PTCH1: variants seen among roughly 807,000 people sequenced by gnomAD.
PTCH1 encodes protein patched homolog 1.
A neutral mutation model predicts 144.6 loss-of-function variants in PTCH1; 14 were observed. The ratio of observed to expected loss-of-function variants is 0.10; its 90% CI spans 0.06 to 0.15. The LOEUF (loss-of-function observed/expected upper bound fraction) is 0.15. PTCH1 is among the 10% of genes least tolerant of loss of function. PTCH1 has a pLI of 1.00. For synonymous variants in PTCH1, 833 were observed against 793.6 expected, an observed-to-expected ratio of 1.05 and a Z score of -0.83; for missense variants, 1,623 against 1,948.3, an observed-to-expected ratio of 0.83 and a Z score of 3.14.
rs1837748684 is a variant in PTCH1, at chr9:95,444,794, C to T, written c.*1599G>A. 6.6e-6 allele frequency: 1 copy of T among 152,150 alleles called. No individual in the cohort carries two copies. The highest frequency in any genetic ancestry group is 6.6e-5 in the Admixed American group (1 of 15,256). The allele number at this position is 152,150 out of a possible 1,614,324, so 9.4% of individuals were successfully genotyped here. On this transcript the variant is annotated 3_prime_UTR_variant, in exon 24 of 24. Transcript: ENST00000331920. Reference sequence around the variant, plus strand: ...TGTGGATTTGGATGGGGAGCCGACACTGGGTGCTTCCCTGACATGTGCTGG... The same window carrying T: ...TGTGGATTTGGATGGGGAGCCGACATTGGGTGCTTCCCTGACATGTGCTGG...
At chr9:95,460,564 G>A (rs1376684968) in intron 16 of PTCH1, among the ~76,000 whole-genome samples, 2 of 152,178 alleles carry the variant, frequency 1.3e-5, no homozygotes, top group African/African-American at 2.4e-5. Flanking sequence ...AAAAACACCA[G>A]TGACAGCGGC....
chr9:95,459,834 C>T (rs980282638), intron 16 of PTCH1, 51 bp from the exon 17 acceptor site: 3 of 1,587,724 alleles, frequency 1.9e-6, no homozygotes, highest in African/African-American at 1.3e-5. Flanking sequence ...TGGGGGTAAA[C>T]ACACTTCTGC....
chr9:95,480,413 C>T lies in PTCH1; in HGVS notation c.922G>A (p.Ala308Thr), dbSNP rs773704443. Residue 308 changes from alanine (A) to threonine (T), a missense_variant, in exon 6 of 24, where the codon GCC becomes ACC. Physicochemically the swap from Ala to Thr is moderately conservative, Grantham distance 58. Around this residue, in one of 7 missense-constraint regions of PTCH1, gnomAD observed 230 missense variants for 271.0 expected, o/e 0.85. Transcript: ENST00000331920. ...ACTTTGGTTGAATTTTTGTTGGGGG[C>T]TGTGGCGGGGCAGTCTGGATCGGCC... ...NPADPDCPATAPNKNSTKPLD... is the reference protein window; with the variant it reads ...NPADPDCPATTPNKNSTKPLD... 1.2e-6 allele frequency: 2 copies of T among 1,610,942 alleles called. No homozygotes were observed. Among genetic ancestry groups the T allele is most frequent in the African/African-American group, 1.4e-5 (1 of 74,026 alleles).
At chr9:95,516,448 C>T (rs2118956092) in intron 1 of PTCH1, 13 of 1,403,596 alleles carry the variant, frequency 9.3e-6, no homozygotes, top group Admixed American at 6.8e-5. Flanking sequence ...CGTCGGCGGC[C>T]GCCGCGCTGG....
intron 2 of PTCH1, among the ~76,000 whole-genome samples, chr9:95,505,102 A>T (rs1843461368): frequency 6.6e-6 from 1 of 152,204 alleles, no homozygotes; most frequent in South Asian, 2.1e-4. Flanking sequence ...TATTATTTTA[A>T]TTGTCACTTC....
rs1015767985 is a variant in PTCH1, at chr9:95,504,097, C to CATGCGATAATA, written c.394+2299_394+2309dup. ...ATAGCTATTTTATTGAATCGTAAGG[C>CATGCGATAATA]ATGCGATAATATATAACAAATGCCT... On this transcript the variant is annotated intron_variant, in intron 2 of 23. Transcript: ENST00000331920. Among the ~76,000 whole-genome samples the CATGCGATAATA allele has an allele frequency of 3.0e-5, 4 of 133,916 alleles. No individual in the cohort carries two copies. The Admixed American group carries it at 3.4e-4, about 11-fold the overall frequency. 87.9% of individuals were successfully genotyped at this position (133,916 alleles called of 152,430 possible).
rs551080129 is a variant in PTCH1 at position 95,448,496 on chromosome 9, A to C, written c.3804+573T>G. On this transcript the variant is annotated intron_variant, in intron 22 of 23. Transcript: ENST00000331920. ...CTCCTGGTGACCTCCTGAATCACTGAAGGCTAAGAACTCAGGGGTGGTTCT... is the reference window on the plus strand; with the variant it reads ...CTCCTGGTGACCTCCTGAATCACTGCAGGCTAAGAACTCAGGGGTGGTTCT... 2.6e-5 allele frequency among the ~76,000 whole-genome samples: 4 copies of C among 152,246 alleles called. No homozygotes were observed. In the East Asian group the frequency reaches 5.8e-4, roughly 22 times the overall value.
chr9:95,514,678 G>A (rs1433656020), intron 1 of PTCH1, among the ~76,000 whole-genome samples: 2 of 151,346 alleles, frequency 1.3e-5, no homozygotes, highest in Non-Finnish European at 2.9e-5. Flanking sequence ...GATAAAAACG[G>A]GAGACATATT....
intron 2 of PTCH1, among the ~76,000 whole-genome samples, chr9:95,495,597 A>G (rs146647620): frequency 6.6e-6 from 1 of 152,100 alleles, no homozygotes; most frequent in Non-Finnish European, 1.5e-5. Flanking sequence ...GAAGAGTTGC[A>G]CTGCTGAAAC....
rs1051496812 is a variant in PTCH1 at position 95,468,860 on chromosome 9, T to C, written c.2141A>G (p.Gln714Arg). 6.2e-7 allele frequency: 1 copy of C among 1,614,042 alleles called. No homozygotes were observed. Among genetic ancestry groups the C allele is most frequent in the African/African-American group, 1.3e-5 (1 of 74,918 alleles). The change falls in exon 14 of 24, where the codon CAG (glutamine) becomes CGG (arginine). Residue 714 changes from glutamine (Q) to arginine (R), a missense_variant. By Grantham distance (43) the Gln-to-Arg change is conservative (BLOSUM62 1). Coordinates refer to ENST00000331920, the MANE Select transcript of PTCH1 (RefSeq NM_000264.5). ...GCAGTGGAGGCTGGAGTCGGAGAACTGGGAGAGCAGGTCCCTTGTGGAGCT... is the reference window on the plus strand; with the variant it reads ...GCAGTGGAGGCTGGAGTCGGAGAACCGGGAGAGCAGGTCCCTTGTGGAGCT... The part of the protein sequence containing the change: ...STSSTRDLLS[Q>R]FSDSSLHCLE...
chr9:95,493,657 C>T (rs1392815056), intron 2 of PTCH1, among the ~76,000 whole-genome samples: 5 of 152,188 alleles, frequency 3.3e-5, no homozygotes, highest in African/African-American at 4.8e-5. Context: ...CTAACAGCCT[C>T]TAGAGAGATT....
intron 2 of PTCH1, among the ~76,000 whole-genome samples, chr9:95,504,248 C>G (rs2118842921): frequency 6.6e-6 from 1 of 152,138 alleles, no homozygotes; most frequent in South Asian, 2.1e-4. Context: ...CAGAAGTGTC[C>G]TCATCCAGTC....
chr9:95,446,467 G>A, intron 23 of PTCH1, 76 bp from the exon 24 acceptor site: 1 of 507,326 alleles, frequency 2.0e-6, no homozygotes, highest in Non-Finnish European at 3.9e-6. Context: ...TACAAAAGCA[G>A]GCAGCAGTAA....
intron 12 of PTCH1, chr9:95,474,053 C>A: frequency 2.0e-6 from 1 of 495,732 alleles, no homozygotes; most frequent in East Asian, 5.8e-5. Flanking sequence ...CAAGGCTACT[C>A]CTCGTAAGGA....
At chr9:95,454,824 C>A (rs566880259) in intron 19 of PTCH1, among the ~76,000 whole-genome samples, 3 of 152,320 alleles carry the variant, frequency 2.0e-5, no homozygotes, top group African/African-American at 7.2e-5. Context: ...TGCAATTTCA[C>A]ATAGAGGATC....
At position 95,446,988 on chromosome 9, in the gene PTCH1, C is replaced by T. The variant is rs1213795569; in HGVS notation, c.4268G>A (p.Arg1423Lys). Residue 1423 changes from arginine to lysine, a missense_variant, in exon 23 of 24, where the codon AGG (arginine) becomes AAG (lysine). By Grantham distance (26) the Arg-to-Lys change is conservative. Transcript: ENST00000331920. ...HVPFHVRCER[R>K]DSKVEVIELQ... ...CTCAATGACTTCCACCTTCGAATCC[C>T]TCCTCTCACACCGGACGTGGAAAGG... 1.9e-6 allele frequency: 3 copies of T among 1,614,230 alleles called. No individual in the cohort carries two copies. Among genetic ancestry groups the T allele is most frequent in the Non-Finnish European group, 2.5e-6 (3 of 1,180,042 alleles).
chr9:95,444,481 C>A lies in PTCH1; in HGVS notation c.*1912G>T. On this transcript the variant is annotated 3_prime_UTR_variant, in exon 24 of 24. Transcript: ENST00000331920. ...GCAGCAGGGGGGTGGCCAGGGTCCC[C>A]AGCAGAGACACACACACACGCACGC... 1 of 152,528 alleles carries A rather than the reference C, an allele frequency of 6.6e-6. No homozygotes were observed. The highest frequency in any genetic ancestry group is 2.0e-4 in the South Asian group (1 of 5,124). 9.4% of individuals were successfully genotyped at this position (152,528 alleles called of 1,614,324 possible). A position where few individuals can be genotyped will look rare whatever the true frequency, so the allele number is the denominator to read the frequency against.
chr9:95,498,020 G>A (rs1842902503), intron 2 of PTCH1, among the ~76,000 whole-genome samples: 1 of 151,466 alleles, frequency 6.6e-6, no homozygotes, highest in African/African-American at 2.4e-5. Flanking sequence ...GGCATTTTTG[G>A]GCAGGATTCC....
chr9:95,482,533 A>G, intron 3 of PTCH1: 1 of 377,592 alleles, frequency 2.6e-6, no homozygotes, highest in Non-Finnish European at 4.9e-6. Context: ...AGGGCAGCCC[A>G]GCTGAATTAT....
Sources: gnomAD v4.1 joint callset for allele counts (sites outside exome capture counted in the v4.1 genomes callset) on GRCh38, gnomAD v4.1.1 for gene constraint, gnomAD v4.1.1 regional missense constraint, MANE v1.5 for transcripts, NCBI Gene and HGNC (gene_info 2026-07-23, HGNC 2026-07-21) for gene names.